EXOC6B: variants seen among roughly 807,000 people sequenced by gnomAD.
The protein encoded by EXOC6B is SEC15 homolog B.
A neutral mutation model predicts 113.5 loss-of-function variants in EXOC6B; 54 were observed. The observed-to-expected ratio is 0.48, with a 90% confidence interval of 0.38 to 0.60. The LOEUF (loss-of-function observed/expected upper bound fraction) is 0.60, where lower values mean the gene tolerates loss of function less well. Ranked by LOEUF, EXOC6B falls within the 20% of genes least tolerant of loss-of-function variation. The probability of loss-of-function intolerance (pLI) is 0.00; values close to 1 mark genes in which losing one functional copy is unlikely to be tolerated. For synonymous variants in EXOC6B, 357 were observed against 339.0 expected, an observed-to-expected ratio of 1.05 and a Z score of -0.58; for missense variants, 797 against 977.5, an observed-to-expected ratio of 0.82 and a Z score of 2.46.
At chr2:72,493,464 G>GA (rs146955133) in intron 15 of EXOC6B, among the ~76,000 whole-genome samples, 3,282 of 145,782 alleles carry the variant, frequency 0.023, 87 homozygotes, top group African/African-American at 0.066. Context: ...AAGATTAAAA[G>GA]AAAAAAAAAA....
intron 18 of EXOC6B, among the ~76,000 whole-genome samples, chr2:72,407,208 T>C (rs1002283474): frequency 3.9e-5 from 6 of 152,126 alleles, no homozygotes; most frequent in Admixed American, 3.3e-4. Context: ...GGCTCTGAAA[T>C]TGAGGCAATA....
At chr2:72,805,996 T>A (rs1404034029) in intron 1 of EXOC6B, among the ~76,000 whole-genome samples, 1 of 152,184 alleles carries the variant, frequency 6.6e-6, no homozygotes, top group Non-Finnish European at 1.5e-5. Context: ...TATTCCACAG[T>A]ATATATAAAT....
intron 17 of EXOC6B, among the ~76,000 whole-genome samples, chr2:72,473,680 T>C (rs868604006): frequency 6.6e-6 from 1 of 152,144 alleles, no homozygotes; most frequent in Non-Finnish European, 1.5e-5. Flanking sequence ...CCCAAAATTA[T>C]TATTGATATG....
intron 18 of EXOC6B, among the ~76,000 whole-genome samples, chr2:72,382,289 C>A (rs1186466950): frequency 6.6e-6 from 1 of 152,146 alleles, no homozygotes; most frequent in African/African-American, 2.4e-5. Flanking sequence ...CAATACTGAA[C>A]ATTATTCCCC....
intron 20 of EXOC6B, among the ~76,000 whole-genome samples, chr2:72,202,060 G>C (rs1339460647): frequency 2.0e-5 from 3 of 152,172 alleles, no homozygotes; most frequent in Admixed American, 2.0e-4. Flanking sequence ...AATTTCTTGT[G>C]TGGCTAAGCA....
intron 18 of EXOC6B, among the ~76,000 whole-genome samples, chr2:72,383,655 C>A (rs1691824339): frequency 6.6e-6 from 1 of 151,984 alleles, no homozygotes; most frequent in African/African-American, 2.4e-5. Context: ...GAATATATAA[C>A]CAAATGAATA....
intron 21 of EXOC6B, 139 bp from the exon 22 acceptor site, chr2:72,179,600 G>C: frequency 2.1e-6 from 2 of 975,420 alleles, no homozygotes; most frequent in Admixed American, 2.0e-5. Context: ...CCACTGTCAG[G>C]CCCACACTCA....
At chr2:72,785,040 C>T (rs1684289115) in intron 1 of EXOC6B, among the ~76,000 whole-genome samples, 1 of 152,120 alleles carries the variant, frequency 6.6e-6, no homozygotes. Flanking sequence ...GAGAAATTGG[C>T]CAAAACAAAG....
chr2:72,410,830 A>AG, intron 18 of EXOC6B, among the ~76,000 whole-genome samples: 1 of 152,158 alleles, frequency 6.6e-6, no homozygotes, highest in Non-Finnish European at 1.5e-5. Flanking sequence ...AACACTACTA[A>AG]GAAAAAAAAA....
At chr2:72,517,035 G>A (rs758863479) in intron 8 of EXOC6B, among the ~76,000 whole-genome samples, 5 of 152,062 alleles carry the variant, frequency 3.3e-5, no homozygotes, top group Admixed American at 6.6e-5. Context: ...TAAAAAATTG[G>A]GAAAGTCGAC....
chr2:72,767,938 G>A (rs1221526079), intron 1 of EXOC6B, among the ~76,000 whole-genome samples: 3 of 148,696 alleles, frequency 2.0e-5, no homozygotes, highest in Admixed American at 6.8e-5. Flanking sequence ...CAATAATGGC[G>A]AAACCCCGTC....
chr2:72,535,726 C>T (rs775398605), intron 8 of EXOC6B, among the ~76,000 whole-genome samples: 1 of 151,750 alleles, frequency 6.6e-6, no homozygotes, highest in Non-Finnish European at 1.5e-5. Context: ...CAAAATTGGC[C>T]GGGTATGGTG....
intron 20 of EXOC6B, among the ~76,000 whole-genome samples, chr2:72,269,610 A>T (rs1684356657): frequency 6.6e-6 from 1 of 152,144 alleles, no homozygotes; most frequent in Non-Finnish European, 1.5e-5. Context: ...CAGCAGTTCA[A>T]GACCAGCCTG....
intron 1 of EXOC6B, among the ~76,000 whole-genome samples, chr2:72,785,834 C>T (rs1038557017): frequency 3.3e-5 from 5 of 152,260 alleles, no homozygotes; most frequent in Admixed American, 6.5e-5. Flanking sequence ...ATTTCTGCAG[C>T]TGGCTTAAAT....
In EXOC6B at chr2:72,498,435, A is replaced by C; in HGVS notation, c.1337+19T>G. On this transcript the variant is annotated intron_variant, in intron 13 of 21. Coordinates refer to ENST00000272427, the MANE Select transcript of EXOC6B (RefSeq NM_015189.3). ...ATGTACATGAACACACACACATATG[A>C]CTATAGATAATTTCTCACCTGAAAA... 1 of 1,552,620 alleles carries C rather than the reference A, an allele frequency of 6.4e-7. No homozygotes were observed. The highest frequency in any genetic ancestry group is 8.9e-7 in the Non-Finnish European group (1 of 1,129,038).
rs892420475 is a variant in EXOC6B at position 72,787,522 on chromosome 2, C to CT, written c.113+38275dup. ...GCCTCAGGGTTTTCTTTATCTTTTT[C>CT]TTTTTTTTTCCTTCTGATTTTCCAT... On this transcript the variant is annotated intron_variant, in intron 1 of 21. Transcript: ENST00000272427. Among the ~76,000 whole-genome samples, 5 of 150,978 alleles carry CT rather than the reference C, an allele frequency of 3.3e-5. 1 individual carries two copies. The South Asian group carries it at 6.3e-4, about 19-fold the overall frequency.
At chr2:72,708,497 C>T (rs568406580) in intron 6 of EXOC6B, among the ~76,000 whole-genome samples, 1 of 152,200 alleles carries the variant, frequency 6.6e-6, no homozygotes, top group African/African-American at 2.4e-5. Context: ...CCATAATATT[C>T]CATTTATACA....
At chr2:72,535,176 AG>A (rs1198478392) in intron 8 of EXOC6B, among the ~76,000 whole-genome samples, 1 of 152,212 alleles carries the variant, frequency 6.6e-6, no homozygotes, top group African/African-American at 2.4e-5. Context: ...GTTTTTAGCA[AG>A]GACCTCTTTT....
intron 1 of EXOC6B, among the ~76,000 whole-genome samples, chr2:72,815,350 A>T (rs1167262968): frequency 2.0e-5 from 3 of 151,554 alleles, no homozygotes; most frequent in Non-Finnish European, 4.4e-5. Context: ...AATTAGCTGG[A>T]CGTGGTGTCG....
Sources: allele counts gnomAD v4.1 joint callset (sites outside exome capture counted in the v4.1 genomes callset), GRCh38; gene constraint gnomAD v4.1.1; transcripts MANE v1.5; gene names NCBI Gene and HGNC (gene_info 2026-07-23, HGNC 2026-07-21).